The following PRKG1 variants were observed in gnomAD, a reference collection of about 807,000 sequenced individuals.
PRKG1 encodes protein kinase cGMP-dependent 1.
Under a neutral mutation model 88.1 loss-of-function variants are expected in PRKG1, and 35 were observed. That is an observed-to-expected ratio of 0.40 (90% CI 0.30 to 0.53). The LOEUF (loss-of-function observed/expected upper bound fraction) is 0.53, where lower values mean the gene tolerates loss of function less well. Ranked by LOEUF, PRKG1 falls within the 20% of genes least tolerant of loss-of-function variation. The pLI, the probability that PRKG1 is intolerant of heterozygous loss-of-function variation, is 0.59. For missense variants in PRKG1, 540 were observed against 839.8 expected (o/e 0.64, Z 4.41); for synonymous variants, 303 against 292.5 (o/e 1.04, Z -0.37).
chr10:52,096,457 A>T (rs1297394913), intron 7 of PRKG1, among the ~76,000 whole-genome samples: 1 of 152,182 alleles, frequency 6.6e-6, no homozygotes, highest in African/African-American at 2.4e-5. Context: ...TGAAACAGGA[A>T]ACCAACTTGC....
intron 2 of PRKG1, among the ~76,000 whole-genome samples, chr10:51,177,236 T>C (rs1254301341): frequency 6.6e-6 from 1 of 152,150 alleles, no homozygotes; most frequent in Non-Finnish European, 1.5e-5. Context: ...TACTTACCAT[T>C]TGATATAAAG....
intron 4 of PRKG1, among the ~76,000 whole-genome samples, chr10:51,871,438 TC>T: frequency 6.6e-6 from 1 of 152,148 alleles, no homozygotes; most frequent in Admixed American, 6.5e-5. Context: ...CAGCCTGGCC[TC>T]CCCATCCTGA....
At chr10:52,239,998 C>CAG (rs1840817623) in intron 9 of PRKG1, among the ~76,000 whole-genome samples, 1 of 152,126 alleles carries the variant, frequency 6.6e-6, no homozygotes, top group Admixed American at 6.6e-5. Context: ...AATGACTGTG[C>CAG]AGAAACCTTA....
intron 7 of PRKG1, among the ~76,000 whole-genome samples, chr10:52,113,907 G>A (rs1847626017): frequency 6.6e-6 from 1 of 152,102 alleles, no homozygotes; most frequent in South Asian, 2.1e-4. Context: ...TTTAGAGTCT[G>A]CAGAAGTTAT....
chr10:52,095,791 G>A (rs1847158724), intron 7 of PRKG1, among the ~76,000 whole-genome samples: 1 of 152,190 alleles, frequency 6.6e-6, no homozygotes, highest in Admixed American at 6.5e-5. Context: ...ACATTGTTGA[G>A]CAAAACCCAA....
chr10:51,279,651 T>C (rs1358284436), intron 2 of PRKG1, among the ~76,000 whole-genome samples: 1 of 152,234 alleles, frequency 6.6e-6, no homozygotes, highest in African/African-American at 2.4e-5. Flanking sequence ...TTGTCTCTTT[T>C]GATCTTTGTT....
At chr10:51,263,897 T>A (rs1434755596) in intron 2 of PRKG1, among the ~76,000 whole-genome samples, 1 of 152,238 alleles carries the variant, frequency 6.6e-6, no homozygotes. Context: ...CACATCACTT[T>A]GGGATTATTC....
At chr10:52,050,654 C>T (rs1420118388) in intron 5 of PRKG1, among the ~76,000 whole-genome samples, 2 of 152,092 alleles carry the variant, frequency 1.3e-5, no homozygotes, top group Non-Finnish European at 2.9e-5. Context: ...TGTTCTGTGA[C>T]CCCTGGATTT....
intron 2 of PRKG1, among the ~76,000 whole-genome samples, chr10:51,363,135 T>A (rs1842518456): frequency 6.6e-6 from 1 of 151,470 alleles, no homozygotes; most frequent in South Asian, 2.1e-4. Flanking sequence ...ATGAATCTAA[T>A]GTATAATCAG....
At chr10:51,563,608 C>CA (rs1837526875) in intron 3 of PRKG1, among the ~76,000 whole-genome samples, 1 of 148,488 alleles carries the variant, frequency 6.7e-6, no homozygotes, top group Non-Finnish European at 1.5e-5. Context: ...AGCAACAGAA[C>CA]GTTTGTCGAC....
intron 4 of PRKG1, among the ~76,000 whole-genome samples, chr10:51,814,167 G>A (rs1383445480): frequency 6.6e-6 from 1 of 152,082 alleles, no homozygotes; most frequent in Non-Finnish European, 1.5e-5. Flanking sequence ...TCTTGCTTAG[G>A]CTATGCTCTG....
chr10:51,987,247 T>A (rs957841914), intron 5 of PRKG1, among the ~76,000 whole-genome samples: 3 of 152,068 alleles, frequency 2.0e-5, no homozygotes, highest in Non-Finnish European at 2.9e-5. Context: ...TGGGTACATA[T>A]GTTCAATGAT....
At chr10:51,178,801 A>G (rs1311947024) in intron 2 of PRKG1, among the ~76,000 whole-genome samples, 1 of 152,192 alleles carries the variant, frequency 6.6e-6, no homozygotes, top group African/African-American at 2.4e-5. Flanking sequence ...AAAAAATGAC[A>G]AGATAACATA....
intron 3 of PRKG1, among the ~76,000 whole-genome samples, chr10:51,487,436 A>C (rs1336095723): frequency 2.0e-5 from 3 of 152,202 alleles, no homozygotes; most frequent in Non-Finnish European, 4.4e-5. Context: ...AGTCAAATAA[A>C]TATTAAGTTA....
intron 2 of PRKG1, among the ~76,000 whole-genome samples, chr10:51,268,967 A>T (rs990325546): frequency 6.6e-6 from 1 of 152,172 alleles, no homozygotes; most frequent in South Asian, 2.1e-4. Flanking sequence ...CGGTCCTTCC[A>T]TTCGGGGTCC....
At chr10:51,536,777 T>A (rs1383699490) in intron 3 of PRKG1, among the ~76,000 whole-genome samples, 1 of 151,256 alleles carries the variant, frequency 6.6e-6, no homozygotes, top group East Asian at 1.9e-4. Flanking sequence ...ATTAGGTATA[T>A]CTCCTAACGC....
intron 9 of PRKG1, chr10:52,230,895 T>A (rs1426075457): frequency 1.3e-5 from 2 of 152,200 alleles, no homozygotes; most frequent in Non-Finnish European, 2.9e-5. Flanking sequence ...GGCATCATCC[T>A]CTGAATGTTC....
intron 2 of PRKG1, among the ~76,000 whole-genome samples, chr10:51,223,084 GAGGAA>G (rs1417147753): frequency 6.6e-6 from 1 of 151,906 alleles, no homozygotes; most frequent in Non-Finnish European, 1.5e-5. Context: ...GTAAACAATA[GAGGAA>G]TATTAACTGT....
At chr10:52,127,270 A>G (rs1847952144) in intron 7 of PRKG1, among the ~76,000 whole-genome samples, 1 of 152,194 alleles carries the variant, frequency 6.6e-6, no homozygotes, top group Non-Finnish European at 1.5e-5. Flanking sequence ...AGGGAACCCA[A>G]GGAAAACAGT....
Sources: allele counts gnomAD v4.1 joint callset (sites outside exome capture counted in the v4.1 genomes callset), GRCh38; gene constraint gnomAD v4.1.1; transcripts MANE v1.5; gene names NCBI Gene and HGNC (gene_info 2026-07-23, HGNC 2026-07-21).